AFG2A: variants seen among roughly 807,000 people sequenced by gnomAD.
AFG2A encodes the protein ATPase family gene 2 protein homolog A.
At chr4:123,192,095 T>C in the AFG2A span, among the ~76,000 whole-genome samples, 2 of 151,904 alleles carry the variant, frequency 1.3e-5, no homozygotes. Flanking sequence ...GGTGTGATCT[T>C]AGCTCACTGC....
the AFG2A span, among the ~76,000 whole-genome samples, chr4:123,212,506 C>A: frequency 5.9e-5 from 9 of 152,110 alleles, no homozygotes; most frequent in Non-Finnish European, 5.9e-5. Flanking sequence ...TAAGAACATA[C>A]CAAAATTCCA....
chr4:123,155,394 AT>A, the AFG2A span, among the ~76,000 whole-genome samples: 1 of 151,348 alleles, frequency 6.6e-6, no homozygotes, highest in Non-Finnish European at 1.5e-5. Context: ...CTATTATGTA[AT>A]TTTTTTTCTC....
chr4:122,947,346 C>T, the AFG2A span: 1 of 1,613,930 alleles, frequency 6.2e-7, no homozygotes, highest in Non-Finnish European at 8.5e-7. Flanking sequence ...TTGGAGTTCC[C>T]AATGCTCAGG....
At chr4:123,312,047 C>T in the AFG2A span, among the ~76,000 whole-genome samples, 2 of 152,212 alleles carry the variant, frequency 1.3e-5, no homozygotes, top group Admixed American at 1.3e-4. Flanking sequence ...CCGCCCTGGC[C>T]ACCATGGTAC....
the AFG2A span, among the ~76,000 whole-genome samples, chr4:123,164,155 C>G: frequency 6.6e-6 from 1 of 152,154 alleles, no homozygotes; most frequent in Non-Finnish European, 1.5e-5. Flanking sequence ...CAAGTCACCC[C>G]AAGATCTGCC....
At chr4:123,221,161 T>G in the AFG2A span, among the ~76,000 whole-genome samples, 2,766 of 152,208 alleles carry the variant, frequency 0.018, 55 homozygotes, top group Non-Finnish European at 0.03. Context: ...TTTGTTGTTG[T>G]TTTGTTTATT....
the AFG2A span, among the ~76,000 whole-genome samples, chr4:122,936,933 T>C: frequency 1.3e-5 from 2 of 152,150 alleles, no homozygotes; most frequent in African/African-American, 2.4e-5. Context: ...TCAGTTGAGA[T>C]CGTGCCATTG....
the AFG2A span, among the ~76,000 whole-genome samples, chr4:123,056,002 G>C: frequency 6.6e-6 from 1 of 152,204 alleles, no homozygotes; most frequent in Non-Finnish European, 1.5e-5. Flanking sequence ...GTCAAAAAAT[G>C]TGCATCTTCA....
chr4:123,043,433 T>G, the AFG2A span, among the ~76,000 whole-genome samples: 58 of 152,254 alleles, frequency 3.8e-4, no homozygotes, highest in East Asian at 0.01. Flanking sequence ...CACTTTTTTT[T>G]CCTGACTTTT....
chr4:123,095,822 G>A, the AFG2A span, among the ~76,000 whole-genome samples: 11 of 151,986 alleles, frequency 7.2e-5, no homozygotes, highest in Admixed American at 7.2e-4. Context: ...TTACAATCTT[G>A]TTGCCTCTTA....
chr4:123,010,944 T>C, the AFG2A span, among the ~76,000 whole-genome samples: 1 of 152,284 alleles, frequency 6.6e-6, no homozygotes, highest in Admixed American at 6.5e-5. Context: ...CAAACTTTGA[T>C]GTAAGTTAAA....
chr4:123,232,388 C>T, the AFG2A span, among the ~76,000 whole-genome samples: 1 of 151,866 alleles, frequency 6.6e-6, no homozygotes. Context: ...GTGTCAGAAG[C>T]CAAAAGCGAA....
At chr4:122,974,544 A>G in the AFG2A span, among the ~76,000 whole-genome samples, 1 of 152,218 alleles carries the variant, frequency 6.6e-6, no homozygotes, top group Non-Finnish European at 1.5e-5. Context: ...GAGTCAAAAT[A>G]TGTGTGTGGC....
chr4:123,034,153 A>G, the AFG2A span, among the ~76,000 whole-genome samples: 1 of 152,250 alleles, frequency 6.6e-6, no homozygotes, highest in Non-Finnish European at 1.5e-5. Flanking sequence ...TGAAAATATA[A>G]TATTTGTGGT....
At chr4:122,988,724 CT>C in the AFG2A span, among the ~76,000 whole-genome samples, 2 of 152,070 alleles carry the variant, frequency 1.3e-5, no homozygotes, top group Middle Eastern at 3.2e-3. Flanking sequence ...TTTTCTGCCC[CT>C]TTCTCTGCTT....
the AFG2A span, among the ~76,000 whole-genome samples, chr4:123,025,623 C>G: frequency 6.6e-6 from 1 of 151,978 alleles, no homozygotes; most frequent in Non-Finnish European, 1.5e-5. Flanking sequence ...GCATAGGAAA[C>G]AATCTACCTC....
chr4:123,151,071 G>GA, the AFG2A span, among the ~76,000 whole-genome samples: 3 of 152,104 alleles, frequency 2.0e-5, no homozygotes, highest in African/African-American at 7.2e-5. Flanking sequence ...GCTATATGCA[G>GA]AAAAAATGAA....
At chr4:123,105,121 G>C in the AFG2A span, among the ~76,000 whole-genome samples, 1 of 152,150 alleles carries the variant, frequency 6.6e-6, no homozygotes, top group Non-Finnish European at 1.5e-5. Context: ...GTTGTTAGGG[G>C]CTAATGCAGC....
chr4:122,970,101 T>C, the AFG2A span, among the ~76,000 whole-genome samples: 1 of 152,194 alleles, frequency 6.6e-6, no homozygotes, highest in Non-Finnish European at 1.5e-5. Flanking sequence ...TCCTGGGCCT[T>C]CACATTTGCT....
Sources: gnomAD v4.1 joint callset for allele counts (sites outside exome capture counted in the v4.1 genomes callset) on GRCh38, gnomAD v4.1.1 for gene constraint, MANE v1.5 for transcripts, NCBI Gene and HGNC (gene_info 2026-07-23, HGNC 2026-07-21) for gene names.